ANKRD42: variants seen among roughly 807,000 people sequenced by gnomAD.
ANKRD42 encodes ankyrin repeat domain 42.
Under a neutral mutation model 51.5 loss-of-function variants are expected in ANKRD42, and 43 were observed. That is an observed-to-expected ratio of 0.83 (90% CI 0.65 to 1.08). The LOEUF (loss-of-function observed/expected upper bound fraction) is 1.08. ANKRD42 is among the 50% of genes least tolerant of loss of function. The pLI is 0.00. For missense variants in ANKRD42, 608 were observed against 629.3 expected, an observed-to-expected ratio of 0.97 and a Z score of 0.36; for synonymous variants, 203 against 213.0, an observed-to-expected ratio of 0.95 and a Z score of 0.41.
At chr11:83,228,515 C>T (rs1862968506) in intron 7 of ANKRD42, among the ~76,000 whole-genome samples, 1 of 152,128 alleles carries the variant, frequency 6.6e-6, no homozygotes, top group African/African-American at 2.4e-5. Context: ...AGGCGTGAGC[C>T]ACCATGCCTG....
At chr11:83,241,567 G>T (rs1463192874) in intron 9 of ANKRD42, among the ~76,000 whole-genome samples, 1 of 152,048 alleles carries the variant, frequency 6.6e-6, no homozygotes, top group Non-Finnish European at 1.5e-5. Flanking sequence ...CCATTATGTA[G>T]CATTGAGAAT....
rs1179380848 is a variant in ANKRD42, at chr11:83,193,828, C to T, written c.-843C>T. On this transcript the variant is annotated 5_prime_UTR_variant, in exon 1 of 11. Transcript: ENST00000533342. ...AGGCGGCCGCCGCTACGGCGATTCG[C>T]AGGGAGTAGCAGACGAAGACGGTGG... 4 of 455,304 alleles carry T rather than the reference C, an allele frequency of 8.8e-6. No homozygotes were observed. Among genetic ancestry groups the T allele is most frequent in the Admixed American group, 2.4e-5 (1 of 42,416 alleles). The allele number at this position is 455,304 out of a possible 1,614,324, so 28.2% of individuals were successfully genotyped here.
intron 3 of ANKRD42, chr11:83,209,880 C>T (rs1441647412): frequency 1.5e-5 from 7 of 453,558 alleles, no homozygotes; most frequent in South Asian, 4.7e-5. Flanking sequence ...CCAGAAGCCA[C>T]GATGTTGTCT....
At chr11:83,213,374 C>T (rs1312443809) in intron 5 of ANKRD42, 10 of 1,575,116 alleles carry the variant, frequency 6.3e-6, no homozygotes, top group Admixed American at 1.7e-5. Context: ...CCAACCCCAA[C>T]GCCAGGCTGC....
intron 6 of ANKRD42, 27 bp downstream of exon 6, chr11:83,225,082 C>G (rs1362064828): frequency 6.4e-7 from 1 of 1,564,110 alleles, no homozygotes; most frequent in East Asian, 2.3e-5. Context: ...TATGTTCTAG[C>G]ATATAATGTG....
At chr11:83,260,361 G>C (rs1309664897), downstream of ANKRD42, 2 of 152,112 alleles carry the variant, frequency 1.3e-5, no homozygotes, top group Non-Finnish European at 2.9e-5. Flanking sequence ...CTTTGTTACA[G>C]TGGACTTTAA....
At chr11:83,201,312 C>G (rs1056497303) in intron 2 of ANKRD42, among the ~76,000 whole-genome samples, 2 of 152,144 alleles carry the variant, frequency 1.3e-5, no homozygotes, top group Non-Finnish European at 2.9e-5. Flanking sequence ...ATCCATGGCC[C>G]CGCAAAGGAC....
downstream of ANKRD42, among the ~76,000 whole-genome samples, chr11:83,263,248 T>C (rs1013856516): frequency 1.3e-5 from 2 of 152,222 alleles, no homozygotes; most frequent in Non-Finnish European, 1.5e-5. Flanking sequence ...AAGTTTTAGA[T>C]AACCAAATGA....
rs1023043241 is a variant in ANKRD42, at chr11:83,198,600, G to A, written c.180G>A (p.Lys60=). 2.5e-6 allele frequency: 4 copies of A among 1,611,052 alleles called. No individual in the cohort carries two copies. In the East Asian group the frequency reaches 8.9e-5, roughly 36 times the overall value. The change falls in exon 2 of 11, where the codon AAG becomes AAA. Residue 60 remains lysine, a synonymous_variant. Transcript: ENST00000533342. ...TTAATGAACTTGATGTTCTCCATAAGTTTACCCCTTTACATTGGGCAGCAC... is the reference window on the plus strand; with the variant it reads ...TTAATGAACTTGATGTTCTCCATAAATTTACCCCTTTACATTGGGCAGCAC... The part of the protein sequence containing the change: ...ASINELDVLH[K]FTPLHWAAHS...
At chr11:83,211,143 A>C (rs1862298560) in intron 4 of ANKRD42, 152 bp from the exon 5 acceptor site, 1 of 928,814 alleles carries the variant, frequency 1.1e-6, no homozygotes, top group South Asian at 1.5e-5. Flanking sequence ...TCATATATTC[A>C]AATTAGTGGT....
At chr11:83,213,354 C>T (rs572909894) in intron 5 of ANKRD42, 81 of 1,579,184 alleles carry the variant, frequency 5.1e-5, no homozygotes, top group Non-Finnish European at 6.3e-5. Context: ...AGCTGTCCAT[C>T]GGAGTCACAC....
intron 10 of ANKRD42, among the ~76,000 whole-genome samples, chr11:83,246,844 TA>T (rs2135558602): frequency 6.6e-6 from 1 of 152,282 alleles, no homozygotes; most frequent in East Asian, 1.9e-4. Flanking sequence ...TAAAAAATAA[TA>T]TAAGGATTAA....
At chr11:83,225,585 A>G (rs933045564) in intron 6 of ANKRD42, among the ~76,000 whole-genome samples, 2 of 150,918 alleles carry the variant, frequency 1.3e-5, no homozygotes, top group African/African-American at 2.4e-5. Flanking sequence ...AAAGAAAAAG[A>G]TTAACATAAT....
At chr11:83,229,112 G>GT (rs1280359152) in intron 7 of ANKRD42, among the ~76,000 whole-genome samples, 5 of 151,412 alleles carry the variant, frequency 3.3e-5, no homozygotes, top group African/African-American at 9.7e-5. Context: ...AGCAGGTTTG[G>GT]TTTTTTTTGA....
chr11:83,258,518 G>C (rs771199524), downstream of ANKRD42, among the ~76,000 whole-genome samples: 1 of 152,072 alleles, frequency 6.6e-6, no homozygotes, highest in Non-Finnish European at 1.5e-5. Flanking sequence ...TACTTGCTGG[G>C]GGACTGTGGA....
chr11:83,260,843 A>G (rs928854113), downstream of ANKRD42: 4 of 152,184 alleles, frequency 2.6e-5, no homozygotes, highest in African/African-American at 9.6e-5. Flanking sequence ...ACAAAATACG[A>G]ATTTAAATTT....
intron 2 of ANKRD42, among the ~76,000 whole-genome samples, chr11:83,204,418 G>T (rs183838702): frequency 6.6e-6 from 1 of 152,130 alleles, no homozygotes; most frequent in Admixed American, 6.5e-5. Context: ...CTTATATGTG[G>T]GACCTAAATA....
chr11:83,249,106 A>C, downstream of ANKRD42: 6 of 564,988 alleles, frequency 1.1e-5, no homozygotes, highest in Non-Finnish European at 1.1e-5. Flanking sequence ...TTTATAACTC[A>C]CTGCTTCCAA....
Position 83,194,655 on chromosome 11 carries a change from T to G in ANKRD42, c.-16T>G, listed in dbSNP as rs754713566. On this transcript the variant is annotated 5_prime_UTR_variant, in exon 1 of 11. Transcript: ENST00000533342. Reference sequence around the variant, plus strand: ...GCCTGGACTCAACTCCTCCCCAGAGTCGGAGGTGTTGCGCCATGCCCGGGG... The same window carrying G: ...GCCTGGACTCAACTCCTCCCCAGAGGCGGAGGTGTTGCGCCATGCCCGGGG... 6.2e-7 allele frequency: 1 copy of G among 1,613,390 alleles called. No individual in the cohort carries two copies. The highest frequency in any genetic ancestry group is 1.1e-5 in the South Asian group (1 of 91,066).
Sources: allele counts gnomAD v4.1 joint callset (sites outside exome capture counted in the v4.1 genomes callset), GRCh38; gene constraint gnomAD v4.1.1; transcripts MANE v1.5; gene names NCBI Gene and HGNC (gene_info 2026-07-23, HGNC 2026-07-21).